Variants in DLGAP1 observed in about 807,000 individuals in gnomAD.
DLGAP1 encodes the protein disks large-associated protein 1.
DLGAP1 carries 11 observed loss-of-function variants against 90.8 expected under a neutral mutation model. The observed-to-expected ratio is 0.12, with a 90% CI of 0.08 to 0.20. The LOEUF (loss-of-function observed/expected upper bound fraction) is 0.20. DLGAP1 is among the 10% of genes least tolerant of loss of function. DLGAP1 has a pLI of 1.00. For synonymous variants in DLGAP1, 558 were observed against 540.7 expected (o/e 1.03, Z -0.44); for missense variants, 1,050 against 1,333.8 (o/e 0.79, Z 3.31).
chr18:4,334,102 G>C (rs1053514843), intron 1 of DLGAP1, among the ~76,000 whole-genome samples: 1 of 151,482 alleles, frequency 6.6e-6, no homozygotes, highest in Non-Finnish European at 1.5e-5. Context: ...GCTGGGGGTG[G>C]TGGCACATGC....
intron 5 of DLGAP1, among the ~76,000 whole-genome samples, chr18:3,793,178 A>C (rs1159289450): frequency 6.6e-6 from 1 of 152,140 alleles, no homozygotes; most frequent in Admixed American, 6.5e-5. Flanking sequence ...CCACGGTTCC[A>C]TATGGCCTCT....
chr18:4,445,708 T>C lies in DLGAP1; in HGVS notation c.-267+9298A>G, dbSNP rs1317885295. On this transcript the variant is annotated intron_variant, in intron 1 of 12. Transcript: ENST00000315677. The stretch of plus-strand genomic sequence containing the variant: ...CAAAAAACATCAGCTAATTCACTAC[T>C]TAAAAGAGCTTAAAATCTCAGAATA... Among the ~76,000 whole-genome samples the C allele has an allele frequency of 1.3e-5, 2 of 151,946 alleles. 1 individual carries two copies. Among genetic ancestry groups the C allele is most frequent in the African/African-American group, 4.8e-5 (2 of 41,350 alleles).
intron 3 of DLGAP1, among the ~76,000 whole-genome samples, chr18:3,963,456 C>T (rs568207280): frequency 6.6e-6 from 1 of 152,156 alleles, no homozygotes; most frequent in African/African-American, 2.4e-5. Context: ...AGACCACCTC[C>T]TAATTACTGA....
intron 1 of DLGAP1, among the ~76,000 whole-genome samples, chr18:4,297,475 G>C (rs1056006568): frequency 6.6e-6 from 1 of 152,174 alleles, no homozygotes; most frequent in African/African-American, 2.4e-5. Flanking sequence ...TAAAATAGCT[G>C]ACATTGTAAC....
chr18:4,327,203 G>A (rs2080840890), intron 1 of DLGAP1, among the ~76,000 whole-genome samples: 1 of 151,952 alleles, frequency 6.6e-6, no homozygotes, highest in Non-Finnish European at 1.5e-5. Context: ...CTGCTAACAT[G>A]GTAGATTTTA....
intron 5 of DLGAP1, among the ~76,000 whole-genome samples, chr18:3,759,381 C>T (rs1224118140): frequency 6.6e-6 from 1 of 152,064 alleles, no homozygotes; most frequent in Non-Finnish European, 1.5e-5. Context: ...GCTGGAATAA[C>T]CCATTTTAGT....
chr18:3,560,175 C>A (rs1174035757), intron 9 of DLGAP1, among the ~76,000 whole-genome samples: 1 of 149,618 alleles, frequency 6.7e-6, no homozygotes, highest in African/African-American at 2.5e-5. Context: ...AATCCCAGCA[C>A]TTTGGGAGGG....
chr18:4,039,920 T>C (rs2074950471), intron 2 of DLGAP1, among the ~76,000 whole-genome samples: 1 of 152,226 alleles, frequency 6.6e-6, no homozygotes, highest in African/African-American at 2.4e-5. Flanking sequence ...TAAATTACCT[T>C]TGAGTCAGCA....
At chr18:4,190,145 CTG>C (rs1598584013) in intron 1 of DLGAP1, among the ~76,000 whole-genome samples, 3 of 151,876 alleles carry the variant, frequency 2.0e-5, no homozygotes. Context: ...AATAAACAAA[CTG>C]TGATATATTC....
chr18:4,249,585 GTTTA>G (rs1391331087), intron 1 of DLGAP1, among the ~76,000 whole-genome samples: 3 of 151,966 alleles, frequency 2.0e-5, no homozygotes, highest in East Asian at 3.9e-4. Flanking sequence ...TGTTTCTCAA[GTTTA>G]TTTATTTTTT....
intron 2 of DLGAP1, among the ~76,000 whole-genome samples, chr18:4,020,976 G>A (rs937223627): frequency 7.2e-5 from 11 of 151,868 alleles, no homozygotes; most frequent in African/African-American, 2.7e-4. Flanking sequence ...CAACCAGCTC[G>A]GCAATCCCAC....
At chr18:3,610,210 C>T (rs1057327922) in intron 7 of DLGAP1, among the ~76,000 whole-genome samples, 2 of 152,134 alleles carry the variant, frequency 1.3e-5, no homozygotes, top group African/African-American at 4.8e-5. Flanking sequence ...GATGGCTGTT[C>T]AGAGGGCCCA....
chr18:4,246,249 A>T lies in DLGAP1; in HGVS notation c.-266-94962T>A, dbSNP rs553327796. The stretch of plus-strand genomic sequence containing the variant: ...ATGCTGAGGAAATTTTCTAACTGAT[A>T]TTTTTCACTTCCTGATTTGATAAAA... On this transcript the variant is annotated intron_variant, in intron 1 of 12. Transcript: ENST00000315677. Among the ~76,000 whole-genome samples the T allele has an allele frequency of 2.0e-5, 3 of 152,034 alleles. No homozygotes were observed. In the South Asian group the frequency reaches 6.2e-4, roughly 32 times the overall value.
At chr18:3,535,637 GGC>G (rs2052321200) in intron 9 of DLGAP1, among the ~76,000 whole-genome samples, 1 of 150,884 alleles carries the variant, frequency 6.6e-6, no homozygotes, top group African/African-American at 2.4e-5. Context: ...GAACCCGGGA[GGC>G]GGAGCTTGCA....
intron 4 of DLGAP1, among the ~76,000 whole-genome samples, chr18:3,872,225 C>CAAAAAAAAA (rs5822772): frequency 3.4e-5 from 3 of 87,106 alleles, no homozygotes; most frequent in Non-Finnish European, 7.0e-5. Flanking sequence ...CTCTCCAAGA[C>CAAAAAAAAA]AAAAAAAAAA....
At chr18:4,059,743 G>C (rs56291514) in intron 2 of DLGAP1, among the ~76,000 whole-genome samples, 20,663 of 135,798 alleles carry the variant, frequency 0.15, 1,394 homozygotes, top group East Asian at 0.2. Flanking sequence ...TAAATAAACA[G>C]ACTGGAAGAA....
intron 1 of DLGAP1, among the ~76,000 whole-genome samples, chr18:4,199,383 T>C (rs1271528764): frequency 1.3e-5 from 2 of 152,248 alleles, no homozygotes; most frequent in Non-Finnish European, 2.9e-5. Flanking sequence ...CTATGAAGAA[T>C]ACTTATAATC....
At chr18:3,784,343 G>A (rs1383184972) in intron 5 of DLGAP1, among the ~76,000 whole-genome samples, 2 of 152,078 alleles carry the variant, frequency 1.3e-5, no homozygotes, top group African/African-American at 2.4e-5. Context: ...AACAACCTGG[G>A]GGCCGGGTAC....
intron 8 of DLGAP1, among the ~76,000 whole-genome samples, chr18:3,581,446 C>T (rs369677469): frequency 4.1e-4 from 63 of 152,180 alleles, no homozygotes; most frequent in African/African-American, 1.5e-3. Context: ...CAGGCAGGCA[C>T]CAAGAACCAG....
Sources: allele counts gnomAD v4.1 joint callset (sites outside exome capture counted in the v4.1 genomes callset), GRCh38; gene constraint gnomAD v4.1.1; transcripts MANE v1.5; gene names NCBI Gene and HGNC (gene_info 2026-07-23, HGNC 2026-07-21).